The following PCDHA12 variants were observed in gnomAD, a reference collection of about 807,000 sequenced individuals.
PCDHA12 encodes protocadherin alpha-12.
A neutral mutation model predicts 60.0 loss-of-function variants in PCDHA12; 44 were observed. That is an observed-to-expected ratio of 0.73 (90% CI 0.58 to 0.94). The LOEUF (loss-of-function observed/expected upper bound fraction) is 0.94, where lower values mean the gene tolerates loss of function less well. PCDHA12 is among the 40% of genes least tolerant of loss of function. PCDHA12 has a pLI of 0.00. For missense variants in PCDHA12, 1,276 were observed against 1,239.7 expected, an observed-to-expected ratio of 1.03 and a Z score of -0.44; for synonymous variants, 569 against 553.0, an observed-to-expected ratio of 1.03 and a Z score of -0.40.
At chr5:140,981,683 T>A (rs1484532280) in intron 2 of PCDHA12, among the ~76,000 whole-genome samples, 5 of 152,034 alleles carry the variant, frequency 3.3e-5, no homozygotes, top group Non-Finnish European at 5.9e-5. Flanking sequence ...CCTTCCTCCC[T>A]TCCATCATTC....
intron 1 of PCDHA12, chr5:140,968,014 A>G: frequency 6.2e-7 from 1 of 1,614,194 alleles, no homozygotes; most frequent in Non-Finnish European, 8.5e-7. Flanking sequence ...ATGGCTTTGG[A>G]AACTCCTATA....
chr5:141,006,029 G>A (rs539375544), intron 3 of PCDHA12, among the ~76,000 whole-genome samples: 12 of 151,322 alleles, frequency 7.9e-5, no homozygotes, highest in Non-Finnish European at 1.2e-4. Context: ...ATAATAGTAA[G>A]AGGGAGATTT....
In PCDHA12 at chr5:140,979,019, C is replaced by T; in HGVS notation, c.2426+12C>T. On this transcript the variant is annotated intron_variant, in intron 2 of 3. Coordinates refer to ENST00000398631, the MANE Select transcript of PCDHA12 (RefSeq NM_018903.4). ...GCAGGCATGCACAGGTATGTATTTC[C>T]CTCCTCATTCACTCAGAAGTAACCT... 1 of 1,613,662 alleles carries T rather than the reference C, an allele frequency of 6.2e-7. No individual in the cohort carries two copies. Among genetic ancestry groups the T allele is most frequent in the South Asian group, 1.1e-5 (1 of 90,910 alleles).
At chr5:140,974,426 G>T (rs1417085676) in intron 1 of PCDHA12, among the ~76,000 whole-genome samples, 1 of 152,152 alleles carries the variant, frequency 6.6e-6, no homozygotes, top group Non-Finnish European at 1.5e-5. Flanking sequence ...TTACTTTCCT[G>T]GTTTGTAAAT....
chr5:140,988,193 A>G (rs528689173), intron 3 of PCDHA12, among the ~76,000 whole-genome samples: 4 of 152,192 alleles, frequency 2.6e-5, no homozygotes, highest in South Asian at 2.1e-4. Flanking sequence ...AGGTGTGTGC[A>G]TATCCTTATT....
At chr5:140,969,593 T>C (rs2153780223) in intron 1 of PCDHA12, 1 of 829,524 alleles carries the variant, frequency 1.2e-6, no homozygotes, top group Non-Finnish European at 1.8e-6. Context: ...AGTCTTAATA[T>C]TTAATGCTAA....
rs190555934 is a variant in PCDHA12 at position 140,905,437 on chromosome 5, C to G, written c.2367+27598C>G. Among the ~76,000 whole-genome samples the G allele has an allele frequency of 2.8e-3, 421 of 152,248 alleles. 2 individuals carry two copies. The highest frequency in any genetic ancestry group is 0.014 in the Middle Eastern group (4 of 294). On this transcript the variant is annotated intron_variant, in intron 1 of 3. Coordinates refer to ENST00000398631, the MANE Select transcript of PCDHA12 (RefSeq NM_018903.4). ...TACCATGCTGGTTTGATAACTACAG[C>G]CTTTTAGTATAATTTAAAGTCAGGT...
At chr5:140,924,681 G>T (rs558083953) in intron 1 of PCDHA12, among the ~76,000 whole-genome samples, 1 of 152,180 alleles carries the variant, frequency 6.6e-6, no homozygotes, top group East Asian at 1.9e-4. Flanking sequence ...AATCACTTGA[G>T]GTCAGGAGTT....
At chr5:140,956,141 C>A (rs1181002106) in intron 1 of PCDHA12, among the ~76,000 whole-genome samples, 2 of 152,122 alleles carry the variant, frequency 1.3e-5, no homozygotes, top group Non-Finnish European at 2.9e-5. Context: ...CCCTTTATTT[C>A]TTTCTCTTTC....
intron 1 of PCDHA12, chr5:140,927,406 G>C: frequency 6.2e-7 from 1 of 1,614,210 alleles, no homozygotes; most frequent in East Asian, 2.2e-5. Context: ...CTTTCGCCTG[G>C]ACATGGGATC....
intron 1 of PCDHA12, among the ~76,000 whole-genome samples, chr5:140,973,418 T>G (rs1235123458): frequency 6.6e-6 from 1 of 152,212 alleles, no homozygotes; most frequent in East Asian, 1.9e-4. Flanking sequence ...CCACTCCAGT[T>G]TTTCATCCTC....
At chr5:140,968,886 A>G in intron 1 of PCDHA12, 1 of 1,614,186 alleles carries the variant, frequency 6.2e-7, no homozygotes, top group Non-Finnish European at 8.5e-7. Context: ...ATTACCCTTT[A>G]TCTAATAATA....
intron 3 of PCDHA12, among the ~76,000 whole-genome samples, chr5:141,007,850 C>A (rs1299909821): frequency 6.6e-6 from 1 of 152,156 alleles, no homozygotes; most frequent in Non-Finnish European, 1.5e-5. Context: ...GACTCAAAGT[C>A]CTTAAAGGTC....
chr5:140,884,766 T>G, intron 1 of PCDHA12: 1 of 1,416,492 alleles, frequency 7.1e-7, no homozygotes, highest in Non-Finnish European at 9.3e-7. Context: ...TTCTTTACTT[T>G]AATTTTAATT....
chr5:140,996,814 G>T (rs1186688734), intron 3 of PCDHA12, among the ~76,000 whole-genome samples: 1 of 152,144 alleles, frequency 6.6e-6, no homozygotes, highest in African/African-American at 2.4e-5. Flanking sequence ...CTTTCCAAAA[G>T]TAACCACTAC....
intron 1 of PCDHA12, chr5:140,884,272 G>A (rs1554181402): frequency 6.2e-7 from 1 of 1,613,574 alleles, no homozygotes; most frequent in South Asian, 1.1e-5. Flanking sequence ...TGCTGTTGTC[G>A]CTGGTGGAGA....
chr5:140,902,140 G>A (rs1156661388), intron 1 of PCDHA12, among the ~76,000 whole-genome samples: 2 of 151,048 alleles, frequency 1.3e-5, no homozygotes, highest in African/African-American at 4.9e-5. Context: ...CTGCAAACAA[G>A]GATAATTTGA....
intron 3 of PCDHA12, among the ~76,000 whole-genome samples, chr5:140,999,340 C>T (rs903484891): frequency 2.6e-5 from 4 of 152,146 alleles, no homozygotes; most frequent in African/African-American, 4.8e-5. Flanking sequence ...ATTTATAAGC[C>T]TTGTCTCTTT....
intron 1 of PCDHA12, chr5:140,928,599 T>G: frequency 6.2e-7 from 1 of 1,614,224 alleles, no homozygotes. Context: ...CAGTGGAAAT[T>G]GTGCCCCGCT....
Sources: allele counts gnomAD v4.1 joint callset (sites outside exome capture counted in the v4.1 genomes callset), GRCh38; gene constraint gnomAD v4.1.1; transcripts MANE v1.5; gene names NCBI Gene and HGNC (gene_info 2026-07-23, HGNC 2026-07-21).